Variants in NRG1 observed in about 807,000 individuals in gnomAD.
NRG1 encodes the protein pro-neuregulin-1, membrane-bound isoform.
Under a neutral mutation model 63.8 loss-of-function variants are expected in NRG1, and 18 were observed. The ratio of observed to expected loss-of-function variants is 0.28; its 90% CI spans 0.19 to 0.42. The LOEUF (loss-of-function observed/expected upper bound fraction) is 0.42, where lower values mean the gene tolerates loss of function less well. Ranked by LOEUF, NRG1 falls within the 10% of genes least tolerant of loss-of-function variation. NRG1 has a pLI of 1.00. For missense variants in NRG1, 762 were observed against 814.7 expected (o/e 0.94, Z 0.79); for synonymous variants, 302 against 301.3 (o/e 1.00, Z -0.02).
intron 1 of NRG1, among the ~76,000 whole-genome samples, chr8:31,796,639 G>A (rs1262446611): frequency 6.6e-6 from 1 of 151,752 alleles, no homozygotes; most frequent in Non-Finnish European, 1.5e-5. Flanking sequence ...GGGTTTCACC[G>A]TGTTAGCCAG....
chr8:32,110,402 A>G (rs1831855129), intron 1 of NRG1, among the ~76,000 whole-genome samples: 1 of 152,184 alleles, frequency 6.6e-6, no homozygotes, highest in Admixed American at 6.5e-5. Flanking sequence ...TAAAGGTGAT[A>G]ACTGAAGAAG....
chr8:32,659,306 C>G (rs901232276), intron 5 of NRG1, among the ~76,000 whole-genome samples: 2 of 152,008 alleles, frequency 1.3e-5, no homozygotes, highest in African/African-American at 4.8e-5. Flanking sequence ...TCATGCCTGG[C>G]TAAGTTTTTG....
intron 1 of NRG1, among the ~76,000 whole-genome samples, chr8:32,083,475 G>T (rs1033105511): frequency 1.7e-4 from 26 of 152,200 alleles, no homozygotes; most frequent in African/African-American, 6.3e-4. Context: ...GATTGTGTCT[G>T]GGATAATGTG....
intron 1 of NRG1, among the ~76,000 whole-genome samples, chr8:31,833,020 T>C (rs982884521): frequency 2.0e-5 from 3 of 151,616 alleles, no homozygotes; most frequent in Admixed American, 2.0e-4. Context: ...CCAACAAAGG[T>C]TAACAACCAC....
intron 1 of NRG1, among the ~76,000 whole-genome samples, chr8:31,753,571 G>A (rs1030153792): frequency 6.6e-6 from 1 of 152,052 alleles, no homozygotes; most frequent in African/African-American, 2.4e-5. Context: ...TTAAATTAAT[G>A]GAATCATGCA....
chr8:32,179,489 C>T (rs1841198975), intron 1 of NRG1, among the ~76,000 whole-genome samples: 1 of 152,174 alleles, frequency 6.6e-6, no homozygotes, highest in African/African-American at 2.4e-5. Flanking sequence ...TTGCTGAGAA[C>T]ATAGTAAATG....
chr8:32,507,896 C>G (rs1295223660), intron 1 of NRG1, among the ~76,000 whole-genome samples: 1 of 152,112 alleles, frequency 6.6e-6, no homozygotes, highest in Non-Finnish European at 1.5e-5. Context: ...TGGGGTTTCA[C>G]CATGTTGGCC....
intron 1 of NRG1, among the ~76,000 whole-genome samples, chr8:32,468,720 C>T (rs1253537173): frequency 2.8e-5 from 2 of 71,736 alleles, no homozygotes; most frequent in Admixed American, 2.7e-4. Flanking sequence ...TTTAACATTA[C>T]AGTTTTTTTT....
In NRG1 at chr8:32,518,359, A is replaced by G. The variant is rs566406606; in HGVS notation, c.38-77469A>G. ...CAAAAGCCCAGTGCCCAGAGCAGATAGAGAAGAAAATTCTATTTTGAAATC... is the reference window on the plus strand; with the variant it reads ...CAAAAGCCCAGTGCCCAGAGCAGATGGAGAAGAAAATTCTATTTTGAAATC... On this transcript the variant is annotated intron_variant, in intron 1 of 10. Coordinates refer to the NRG1 transcript ENST00000519301. Among the ~76,000 whole-genome samples the G allele has an allele frequency of 3.7e-4, 56 of 152,330 alleles. 1 individual carries two copies. The highest frequency in any genetic ancestry group is 6.6e-4 in the Non-Finnish European group (45 of 68,028).
chr8:32,169,977 C>T (rs140570748), intron 1 of NRG1, among the ~76,000 whole-genome samples: 4 of 152,162 alleles, frequency 2.6e-5, no homozygotes, highest in African/African-American at 9.6e-5. Context: ...GAAAAGACAA[C>T]GTAAAGACAT....
intron 1 of NRG1, among the ~76,000 whole-genome samples, chr8:32,386,645 A>G (rs16879321): frequency 0.011 from 1,682 of 152,334 alleles, 34 homozygotes; most frequent in African/African-American, 0.038. Flanking sequence ...AGTATTGTCT[A>G]TTTGAACACA....
intron 1 of NRG1, among the ~76,000 whole-genome samples, chr8:32,357,947 G>T (rs1425962158): frequency 6.6e-6 from 1 of 152,126 alleles, no homozygotes; most frequent in African/African-American, 2.4e-5. Flanking sequence ...ATTAGGAAAA[G>T]AACCCTTTAA....
chr8:32,166,138 G>C (rs1423710851), intron 1 of NRG1, among the ~76,000 whole-genome samples: 1 of 152,098 alleles, frequency 6.6e-6, no homozygotes, highest in African/African-American at 2.4e-5. Flanking sequence ...GACTTATGCT[G>C]GGAAGTTGCT....
chr8:31,660,592 C>A (rs995552010), intron 1 of NRG1, among the ~76,000 whole-genome samples: 2 of 152,196 alleles, frequency 1.3e-5, no homozygotes, highest in Non-Finnish European at 2.9e-5. Flanking sequence ...TCTGTACTAA[C>A]AAAACTCCGG....
At chr8:31,987,812 A>C (rs771663703) in intron 1 of NRG1, among the ~76,000 whole-genome samples, 1 of 152,122 alleles carries the variant, frequency 6.6e-6, no homozygotes, top group Non-Finnish European at 1.5e-5. Context: ...AACCTCTATG[A>C]CTTTCTTAGA....
At chr8:31,894,606 A>T (rs1302880690) in intron 1 of NRG1, among the ~76,000 whole-genome samples, 2 of 140,024 alleles carry the variant, frequency 1.4e-5, no homozygotes. Context: ...GCTGGAGTGC[A>T]GTGGTGCGAT....
At chr8:32,656,380 T>G (rs1475047976) in intron 5 of NRG1, among the ~76,000 whole-genome samples, 1 of 152,152 alleles carries the variant, frequency 6.6e-6, no homozygotes, top group Non-Finnish European at 1.5e-5. Flanking sequence ...TTGGAGATTC[T>G]GTTGCAAGTA....
intron 1 of NRG1, among the ~76,000 whole-genome samples, chr8:31,718,909 T>C (rs757104313): frequency 7.9e-5 from 12 of 152,206 alleles, no homozygotes; most frequent in Non-Finnish European, 1.5e-4. Flanking sequence ...CTAATTGTTA[T>C]GGTAAAAGGT....
intron 1 of NRG1, among the ~76,000 whole-genome samples, chr8:31,717,175 G>A (rs562027526): frequency 6.7e-4 from 102 of 152,278 alleles, no homozygotes; most frequent in African/African-American, 2.3e-3. Context: ...GGGAGGCTGA[G>A]GCAGGTGGAT....
Sources: allele counts gnomAD v4.1 joint callset (sites outside exome capture counted in the v4.1 genomes callset), GRCh38; gene constraint gnomAD v4.1.1; transcripts MANE v1.5; gene names NCBI Gene and HGNC (gene_info 2026-07-23, HGNC 2026-07-21).